The following PTK2B variants were observed in gnomAD, a reference collection of about 807,000 sequenced individuals.
The protein encoded by PTK2B is protein tyrosine kinase 2 beta, also known as protein-tyrosine kinase 2-beta.
Under a neutral mutation model 142.9 loss-of-function variants are expected in PTK2B, and 71 were observed. The observed-to-expected ratio is 0.50, with a 90% CI of 0.41 to 0.61. The LOEUF is 0.61. Ranked by LOEUF, PTK2B falls within the 20% of genes least tolerant of loss-of-function variation. The pLI, the probability that PTK2B is intolerant of heterozygous loss-of-function variation, is 0.00. For synonymous variants in PTK2B, 519 were observed against 503.4 expected (o/e 1.03, Z -0.42); for missense variants, 1,105 against 1,320.4 (o/e 0.84, Z 2.53).
chr8:27,454,375 C>T, intron 29 of PTK2B, 84 bp downstream of exon 29: 2 of 1,563,722 alleles, frequency 1.3e-6, no homozygotes, highest in Non-Finnish European at 8.7e-7. Flanking sequence ...TGTTGGCTGG[C>T]CCAGCAGATC....
At position 27,422,408 on chromosome 8, in the gene PTK2B, G is replaced by C. The variant is rs778994631; in HGVS notation, c.551+25G>C. The C allele has an allele frequency of 3.1e-6, 5 of 1,590,092 alleles. No homozygotes were observed. In the Admixed American group the frequency reaches 8.7e-5, roughly 28 times the overall value. On this transcript the variant is annotated intron_variant, in intron 5 of 30. Transcript: ENST00000346049. ...GGTATGTGGCCCTGAGGCCTCTGCT[G>C]GGAGGGCGCTGTGCTGAGCTCTGGG...
chr8:27,413,669 G>C (rs1299181771), intron 2 of PTK2B, among the ~76,000 whole-genome samples: 1 of 152,206 alleles, frequency 6.6e-6, no homozygotes, highest in East Asian at 1.9e-4. Context: ...CGTAAACCAT[G>C]ATGATCGGTT....
At chr8:27,343,798 T>C (rs777463252) in intron 1 of PTK2B, among the ~76,000 whole-genome samples, 11 of 152,216 alleles carry the variant, frequency 7.2e-5, no homozygotes, top group East Asian at 1.9e-4. Context: ...CACTCTCAGA[T>C]TGAGAGCATC....
At chr8:27,379,663 TCTC>T (rs1402462511) in intron 1 of PTK2B, among the ~76,000 whole-genome samples, 3 of 152,200 alleles carry the variant, frequency 2.0e-5, no homozygotes, top group African/African-American at 4.8e-5. Context: ...GCCTAAGTAG[TCTC>T]CTCATTACTT....
chr8:27,369,477 C>T (rs1409550403), intron 1 of PTK2B, among the ~76,000 whole-genome samples: 1 of 152,146 alleles, frequency 6.6e-6, no homozygotes, highest in Non-Finnish European at 1.5e-5. Flanking sequence ...CGAGACCAGC[C>T]TGGCCAACAT....
rs760570461 is a variant in PTK2B, at chr8:27,454,201, C to T, written c.2643C>T (p.Tyr881=). The change falls in exon 29 of 31, where the codon TAC becomes TAT. Residue 881 remains tyrosine (Y), a synonymous_variant. Coordinates refer to ENST00000346049, the MANE Select transcript of PTK2B (RefSeq NM_173176.3). ...TGGACCGGACTGATGACCTGGTGTA[C>T]CTCAATGTCATGGAGCTGGTGCGGG... is the stretch of plus-strand genomic sequence containing the variant. ...ANLDRTDDLV[Y]LNVMELVRAV... is the part of the protein sequence containing the mutation. 1.9e-6 allele frequency: 3 copies of T among 1,614,106 alleles called. No homozygotes were observed. The highest frequency in any genetic ancestry group is 3.3e-5 in the Admixed American group (2 of 60,014).
At chr8:27,310,658 G>A, upstream of PTK2B, 2 of 944,576 alleles carry the variant, frequency 2.1e-6, no homozygotes, top group South Asian at 3.5e-5. Context: ...GAGAACCTGG[G>A]TCGGAGAGGT....
intron 1 of PTK2B, among the ~76,000 whole-genome samples, chr8:27,347,031 G>A (rs761385002): frequency 3.9e-5 from 6 of 152,102 alleles, no homozygotes; most frequent in Admixed American, 6.5e-5. Context: ...TTCAGATGTC[G>A]TGCCTTTCTG....
intron 5 of PTK2B, 31 bp downstream of exon 5, chr8:27,422,414 G>A: frequency 6.3e-7 from 1 of 1,577,842 alleles, no homozygotes; most frequent in South Asian, 1.1e-5. Context: ...TGCTGGGAGG[G>A]CGCTGTGCTG....
intron 5 of PTK2B, among the ~76,000 whole-genome samples, chr8:27,425,733 C>G (rs1179058174): frequency 6.6e-6 from 1 of 152,222 alleles, no homozygotes; most frequent in Non-Finnish European, 1.5e-5. Context: ...TAGCATTACG[C>G]AGAGTAGTTT....
intron 1 of PTK2B, among the ~76,000 whole-genome samples, chr8:27,330,405 G>C (rs1242806609): frequency 1.3e-5 from 2 of 152,196 alleles, no homozygotes; most frequent in East Asian, 3.9e-4. Flanking sequence ...GGTATTCAAT[G>C]ATGTTTGTTT....
At chr8:27,316,293 GTT>G (rs34431277) in intron 3 of PTK2B, among the ~76,000 whole-genome samples, 2 of 142,874 alleles carry the variant, frequency 1.4e-5, no homozygotes, top group Non-Finnish European at 3.1e-5. Context: ...AAATTGCCTT[GTT>G]TTTTTTTTTT....
chr8:27,375,816 G>A (rs1049703793), intron 1 of PTK2B, among the ~76,000 whole-genome samples: 1 of 152,178 alleles, frequency 6.6e-6, no homozygotes, highest in Non-Finnish European at 1.5e-5. Context: ...CTGCCTGTAC[G>A]ACCTGTTTGT....
intron 3 of PTK2B, among the ~76,000 whole-genome samples, chr8:27,313,604 G>A (rs1209182275): frequency 2.0e-5 from 3 of 152,126 alleles, no homozygotes; most frequent in African/African-American, 7.2e-5. Context: ...CGAATGCACA[G>A]TGCCCTCCCT....
At chr8:27,389,624 G>A (rs1807586627) in intron 1 of PTK2B, among the ~76,000 whole-genome samples, 1 of 152,260 alleles carries the variant, frequency 6.6e-6, no homozygotes, top group Non-Finnish European at 1.5e-5. Flanking sequence ...GGTAATGGGT[G>A]CGGGGGTGGG....
intron 23 of PTK2B, among the ~76,000 whole-genome samples, chr8:27,444,913 G>A (rs1811369184): frequency 6.6e-6 from 1 of 152,126 alleles, no homozygotes; most frequent in South Asian, 2.1e-4. Context: ...TTTATAGAAA[G>A]GTGGTGTCCC....
chr8:27,418,145 C>T (rs1431925530), intron 2 of PTK2B, among the ~76,000 whole-genome samples: 3 of 152,160 alleles, frequency 2.0e-5, no homozygotes, highest in Non-Finnish European at 2.9e-5. Context: ...CTCTGTTTCC[C>T]CATCTATCTC....
rs557915838 is a variant in PTK2B at position 27,414,590 on chromosome 8, T to TTCTCTC, written c.205-5293_205-5288dup. On this transcript the variant is annotated intron_variant, in intron 2 of 30. Transcript: ENST00000346049. The stretch of plus-strand genomic sequence containing the variant: ...GTCCTTTCCATAAATGAAGCTCAGT[T>TTCTCTC]TCTCTCTCTCTCTCTCTGTGTGTGT... Among the ~76,000 whole-genome samples the TTCTCTC allele has an allele frequency of 1.3e-3, 114 of 87,576 alleles. 1 individual carries two copies. The East Asian group carries it at 0.031, about 24-fold the overall frequency. 57.5% of individuals were successfully genotyped at this position (87,576 alleles called of 152,430 possible).
At chr8:27,360,675 A>G (rs1805647177) in intron 1 of PTK2B, among the ~76,000 whole-genome samples, 1 of 152,224 alleles carries the variant, frequency 6.6e-6, no homozygotes, top group African/African-American at 2.4e-5. Flanking sequence ...CGATGCCCCA[A>G]TACACTGTGA....
Sources: allele counts gnomAD v4.1 joint callset (sites outside exome capture counted in the v4.1 genomes callset), GRCh38; gene constraint gnomAD v4.1.1; transcripts MANE v1.5; gene names NCBI Gene and HGNC (gene_info 2026-07-23, HGNC 2026-07-21).